The following STX8 variants were observed in gnomAD, a reference collection of about 807,000 sequenced individuals.
The protein encoded by STX8 is syntaxin 8.
A neutral mutation model predicts 37.5 loss-of-function variants in STX8; 23 were observed. The ratio of observed to expected loss-of-function variants is 0.61; its 90% CI spans 0.44 to 0.87. The LOEUF (loss-of-function observed/expected upper bound fraction) is 0.87, where lower values mean the gene tolerates loss of function less well. Ranked by LOEUF, STX8 falls within the 40% of genes least tolerant of loss-of-function variation. The probability of loss-of-function intolerance (pLI) is 0.00; values close to 1 mark genes in which losing one functional copy is unlikely to be tolerated. For missense variants in STX8, 313 were observed against 284.7 expected (o/e 1.10, Z -0.71); for synonymous variants, 115 against 99.1 (o/e 1.16, Z -0.95).
At chr17:9,390,445 C>T (rs1411105397) in intron 6 of STX8, among the ~76,000 whole-genome samples, 1 of 151,714 alleles carries the variant, frequency 6.6e-6, no homozygotes, top group East Asian at 1.9e-4. Context: ...TCACTTGAAC[C>T]TGGGAGGCAG....
chr17:9,517,562 C>T (rs949709346), intron 4 of STX8, among the ~76,000 whole-genome samples: 1 of 152,130 alleles, frequency 6.6e-6, no homozygotes, highest in Non-Finnish European at 1.5e-5. Context: ...CCAGTGGCTT[C>T]CTCAGGGCCA....
At chr17:9,327,337 AAGGAGG>A (rs558322003) in intron 7 of STX8, among the ~76,000 whole-genome samples, 8 of 147,466 alleles carry the variant, frequency 5.4e-5, no homozygotes, top group East Asian at 2.1e-4. Flanking sequence ...AGAGAAGGAG[AAGGAGG>A]AGGAGGAGAA....
chr17:9,467,829 T>C (rs1274995214), intron 6 of STX8, among the ~76,000 whole-genome samples: 1 of 152,180 alleles, frequency 6.6e-6, no homozygotes, highest in African/African-American at 2.4e-5. Context: ...GGGCCTTTTA[T>C]CCAGCACAGC....
intron 7 of STX8, among the ~76,000 whole-genome samples, chr17:9,371,552 G>T (rs1035094250): frequency 6.6e-6 from 1 of 151,986 alleles, no homozygotes; most frequent in South Asian, 2.1e-4. Flanking sequence ...CCCCTCAAAC[G>T]CCTTTCTTAT....
intron 7 of STX8, among the ~76,000 whole-genome samples, chr17:9,367,903 G>T (rs1293345800): frequency 6.6e-6 from 1 of 152,006 alleles, no homozygotes; most frequent in Non-Finnish European, 1.5e-5. Context: ...GCTAATTTTT[G>T]TATTTTTAGT....
intron 7 of STX8, among the ~76,000 whole-genome samples, chr17:9,362,682 C>T (rs1203238883): frequency 6.6e-6 from 1 of 151,592 alleles, no homozygotes; most frequent in Admixed American, 6.6e-5. Flanking sequence ...GTTAGCCAGG[C>T]GTGGTGGCGG....
chr17:9,480,897 T>TCTTTCTTTCTTTC (rs1906309305), intron 6 of STX8, among the ~76,000 whole-genome samples: 1 of 151,922 alleles, frequency 6.6e-6, no homozygotes, highest in African/African-American at 2.4e-5. Flanking sequence ...TTTCTTTCTT[T>TCTTTCTTTCTTTC]TTTTTGAGGT....
At chr17:9,487,998 C>A (rs965987416) in intron 6 of STX8, among the ~76,000 whole-genome samples, 4 of 152,092 alleles carry the variant, frequency 2.6e-5, no homozygotes, top group African/African-American at 9.7e-5. Context: ...ATGCTTGGGC[C>A]CCACCCCTGG....
chr17:9,300,107 G>A (rs561416876), intron 7 of STX8, among the ~76,000 whole-genome samples: 4 of 152,170 alleles, frequency 2.6e-5, no homozygotes, highest in South Asian at 2.1e-4. Context: ...CGAGGCGGGC[G>A]GATCACCTGA....
intron 7 of STX8, among the ~76,000 whole-genome samples, chr17:9,291,955 G>A (rs1908326148): frequency 6.6e-6 from 1 of 152,206 alleles, no homozygotes; most frequent in African/African-American, 2.4e-5. Context: ...TGTTTCCAAG[G>A]AAAAGTTCTC....
intron 7 of STX8, among the ~76,000 whole-genome samples, chr17:9,364,508 A>G (rs1287289599): frequency 6.6e-6 from 1 of 151,970 alleles, no homozygotes; most frequent in Non-Finnish European, 1.5e-5. Flanking sequence ...CTAGGTAGAT[A>G]TTTGCTATGT....
chr17:9,550,040 G>A (rs1567606942), intron 3 of STX8, among the ~76,000 whole-genome samples: 1 of 152,060 alleles, frequency 6.6e-6, no homozygotes, highest in South Asian at 2.1e-4. Context: ...TGGACAACAC[G>A]GTGAAACCCC....
chr17:9,405,914 TTTAAG>T (rs1280495650), intron 6 of STX8, among the ~76,000 whole-genome samples: 10 of 152,328 alleles, frequency 6.6e-5, no homozygotes, highest in South Asian at 4.1e-4. Flanking sequence ...TTCCTTTTGC[TTTAAG>T]TTGTCATAGA....
intron 6 of STX8, among the ~76,000 whole-genome samples, chr17:9,403,143 CA>C (rs1452203866): frequency 3.3e-5 from 5 of 152,112 alleles, no homozygotes; most frequent in Non-Finnish European, 7.3e-5. Flanking sequence ...ATAAAGGAAT[CA>C]GGGGAGGGAG....
At position 9,314,722 on chromosome 17, in the gene STX8, T is replaced by C. The variant is rs1328394583; in HGVS notation, c.643+63830A>G. On this transcript the variant is annotated intron_variant, in intron 7 of 7. Coordinates refer to ENST00000306357, the MANE Select transcript of STX8 (RefSeq NM_004853.3). ...CATGCCCGGCCGCTTATCTTTTATA[T>C]CTGTATATACCCTGAGGAATATCCT... Among the ~76,000 whole-genome samples, 4 of 151,374 alleles carry C rather than the reference T, an allele frequency of 2.6e-5. No homozygotes were observed. In the East Asian group the frequency reaches 7.8e-4, roughly 30 times the overall value.
chr17:9,417,303 AT>A (rs1004685429), intron 6 of STX8, among the ~76,000 whole-genome samples: 2 of 151,976 alleles, frequency 1.3e-5, no homozygotes, highest in African/African-American at 4.8e-5. Flanking sequence ...GCTTTAGTAT[AT>A]TTTTTTCCTT....
intron 7 of STX8, among the ~76,000 whole-genome samples, chr17:9,351,902 G>A (rs751698922): frequency 2.6e-5 from 4 of 151,852 alleles, no homozygotes; most frequent in Non-Finnish European, 5.9e-5. Context: ...TAATCCTAGC[G>A]CTTTGGGAGG....
At chr17:9,451,487 A>G (rs1234905154) in intron 6 of STX8, among the ~76,000 whole-genome samples, 1 of 152,212 alleles carries the variant, frequency 6.6e-6, no homozygotes, top group Non-Finnish European at 1.5e-5. Flanking sequence ...TGATGTAGCT[A>G]TGACCCCTGC....
intron 6 of STX8, among the ~76,000 whole-genome samples, chr17:9,412,853 G>A (rs1208047184): frequency 6.6e-6 from 1 of 152,112 alleles, no homozygotes; most frequent in Non-Finnish European, 1.5e-5. Flanking sequence ...AATAGGTTGA[G>A]AACTGCTGAA....
Sources: allele counts gnomAD v4.1 joint callset (sites outside exome capture counted in the v4.1 genomes callset), GRCh38; gene constraint gnomAD v4.1.1; transcripts MANE v1.5; gene names NCBI Gene and HGNC (gene_info 2026-07-23, HGNC 2026-07-21).